Variants in NAALADL2 observed in about 807,000 individuals in gnomAD.
The protein encoded by NAALADL2 is N-acetylated alpha-linked acidic dipeptidase like 2, also known as inactive N-acetylated-alpha-linked acidic dipeptidase-like protein 2.
In NAALADL2, 76 loss-of-function variants were observed where a neutral mutation model predicts 87.2. That is an observed-to-expected ratio of 0.87 (90% CI 0.72 to 1.05). NAALADL2 has a LOEUF of 1.05. Among genes scored for constraint, NAALADL2 ranks in the 50% least tolerant of loss-of-function variants. The pLI, the probability that NAALADL2 is intolerant of heterozygous loss-of-function variation, is 0.00. For missense variants in NAALADL2, 1,089 were observed against 945.8 expected (o/e 1.15, Z -1.99); for synonymous variants, 354 against 331.0 (o/e 1.07, Z -0.75).
At chr3:175,420,203 A>C (rs1715446452) in intron 5 of NAALADL2, among the ~76,000 whole-genome samples, 1 of 151,976 alleles carries the variant, frequency 6.6e-6, no homozygotes, top group African/African-American at 2.4e-5. Flanking sequence ...TCTTTTCTGA[A>C]GTACTTGAAT....
chr3:175,633,739 G>GA (rs1379672679), intron 11 of NAALADL2, among the ~76,000 whole-genome samples: 1 of 151,638 alleles, frequency 6.6e-6, no homozygotes, highest in Non-Finnish European at 1.5e-5. Flanking sequence ...CATGTTCAGA[G>GA]AAAAAAATTC....
intron 4 of NAALADL2, among the ~76,000 whole-genome samples, chr3:175,281,662 G>C (rs1168204502): frequency 6.6e-6 from 1 of 151,880 alleles, no homozygotes; most frequent in Non-Finnish European, 1.5e-5. Context: ...CATAATGTAT[G>C]CGATTAAATT....
At chr3:175,527,376 T>C (rs1733562087) in intron 9 of NAALADL2, among the ~76,000 whole-genome samples, 1 of 152,206 alleles carries the variant, frequency 6.6e-6, no homozygotes, top group Non-Finnish European at 1.5e-5. Flanking sequence ...ATCTTCTTGA[T>C]GGTCAATAAC....
Position 175,807,738 on chromosome 3 carries a change from C to A in NAALADL2, c.*4535C>A, listed in dbSNP as rs1754833911. On this transcript the variant is annotated 3_prime_UTR_variant, in exon 14 of 14. Transcript: ENST00000454872. ...TTTGAGAAAATATATATATTCTGCC[C>A]AGCCACACTGGTGAGTTTTTATTTC... is the stretch of plus-strand genomic sequence containing the variant. The A allele has an allele frequency of 6.6e-6, 1 of 151,856 alleles. No homozygotes were observed. The highest frequency in any genetic ancestry group is 1.5e-5 in the Non-Finnish European group (1 of 67,872). 9.4% of individuals were successfully genotyped at this position (151,856 alleles called of 1,614,324 possible). A position where few individuals can be genotyped will look rare whatever the true frequency, so the allele number is the denominator to read the frequency against.
intron 2 of NAALADL2, among the ~76,000 whole-genome samples, chr3:174,712,588 A>G (rs924284451): frequency 2.6e-5 from 4 of 151,456 alleles, no homozygotes; most frequent in Non-Finnish European, 4.4e-5. Context: ...GGGTTTCACC[A>G]CTGTAGCCAG....
intron 5 of NAALADL2, among the ~76,000 whole-genome samples, chr3:175,434,715 G>T (rs1202194946): frequency 6.6e-6 from 1 of 151,938 alleles, no homozygotes; most frequent in Non-Finnish European, 1.5e-5. Flanking sequence ...TTCAAGGCTA[G>T]AAATTTTGCA....
intron 3 of NAALADL2, among the ~76,000 whole-genome samples, chr3:174,798,773 TCTGCTAC>T (rs1314145422): frequency 6.6e-6 from 1 of 152,212 alleles, no homozygotes; most frequent in Non-Finnish European, 1.5e-5. Context: ...GATCTTGTAT[TCTGCTAC>T]CTTGCTGAAT....
chr3:174,550,932 G>T (rs989041656), intron 2 of NAALADL2: 33 of 151,920 alleles, frequency 2.2e-4, no homozygotes, highest in African/African-American at 7.5e-4. Context: ...ACTATGGATT[G>T]CTTCTAAAAA....
chr3:174,722,072 C>T (rs1441593267), intron 2 of NAALADL2, among the ~76,000 whole-genome samples: 1 of 152,134 alleles, frequency 6.6e-6, no homozygotes, highest in Non-Finnish European at 1.5e-5. Flanking sequence ...TGCTTTCCCA[C>T]ACTTTACTCC....
At chr3:175,012,333 A>T (rs1160554166) in intron 1 of NAALADL2, among the ~76,000 whole-genome samples, 1 of 151,318 alleles carries the variant, frequency 6.6e-6, no homozygotes, top group Non-Finnish European at 1.5e-5. Context: ...CCTGGCTAAT[A>T]TTTTTTTTAT....
chr3:175,080,640 C>T (rs1034983910), intron 1 of NAALADL2, among the ~76,000 whole-genome samples: 3 of 152,236 alleles, frequency 2.0e-5, no homozygotes, highest in Middle Eastern at 3.4e-3. Flanking sequence ...ATTAGTTTTC[C>T]TAAACATTTT....
chr3:174,814,608 ATAAT>A (rs944260603), intron 3 of NAALADL2, among the ~76,000 whole-genome samples: 14 of 152,180 alleles, frequency 9.2e-5, no homozygotes, highest in African/African-American at 2.2e-4. Flanking sequence ...AGGGCATGAA[ATAAT>A]TAATATCAAA....
chr3:174,644,681 C>A (rs1032009267), intron 2 of NAALADL2, among the ~76,000 whole-genome samples: 3 of 152,218 alleles, frequency 2.0e-5, no homozygotes, highest in East Asian at 3.9e-4. Flanking sequence ...GAGCCTGAGA[C>A]CCTCTGTGTA....
chr3:175,293,284 G>C (rs1002090962), intron 4 of NAALADL2, among the ~76,000 whole-genome samples: 18 of 152,082 alleles, frequency 1.2e-4, no homozygotes, highest in Non-Finnish European at 2.4e-4. Flanking sequence ...TAACTACAAG[G>C]CTTTAGAGTA....
chr3:175,381,624 C>T (rs1224445735), intron 5 of NAALADL2, among the ~76,000 whole-genome samples: 12 of 151,990 alleles, frequency 7.9e-5, no homozygotes, highest in Admixed American at 3.3e-4. Context: ...TATTATAGAG[C>T]GATAATGAGT....
At chr3:174,635,313 G>C (rs1413896275) in intron 2 of NAALADL2, among the ~76,000 whole-genome samples, 1 of 152,134 alleles carries the variant, frequency 6.6e-6, no homozygotes, top group Non-Finnish European at 1.5e-5. Flanking sequence ...GCTCTAAAAG[G>C]TAAGGATTAT....
chr3:174,666,665 C>A (rs1191932511), intron 2 of NAALADL2, among the ~76,000 whole-genome samples: 1 of 152,142 alleles, frequency 6.6e-6, no homozygotes, highest in Non-Finnish European at 1.5e-5. Context: ...CTACAGCCAT[C>A]CATTTTTAAA....
intron 1 of NAALADL2, among the ~76,000 whole-genome samples, chr3:174,900,649 C>G (rs1042669625): frequency 2.6e-5 from 4 of 151,616 alleles, no homozygotes; most frequent in Non-Finnish European, 5.9e-5. Flanking sequence ...GTAGTATAAT[C>G]TAAACATTTT....
At chr3:175,349,767 C>T (rs1002894059) in intron 5 of NAALADL2, among the ~76,000 whole-genome samples, 1 of 152,062 alleles carries the variant, frequency 6.6e-6, no homozygotes, top group African/African-American at 2.4e-5. Context: ...TAGCCATATA[C>T]CCCCGTTTTT....
Sources: gnomAD v4.1 joint callset for allele counts (sites outside exome capture counted in the v4.1 genomes callset) on GRCh38, gnomAD v4.1.1 for gene constraint, MANE v1.5 for transcripts, NCBI Gene and HGNC (gene_info 2026-07-23, HGNC 2026-07-21) for gene names.